The following NPHP3 variants were observed in gnomAD, a reference collection of about 807,000 sequenced individuals.
NPHP3 encodes the protein nephrocystin-3.
NPHP3 carries 123 observed loss-of-function variants against 171.9 expected under a neutral mutation model. That is an observed-to-expected ratio of 0.72 (90% CI 0.62 to 0.83). NPHP3 has a LOEUF of 0.83. Ranked by LOEUF, NPHP3 falls within the 40% of genes least tolerant of loss-of-function variation. The probability of loss-of-function intolerance (pLI) is 0.00; values close to 1 mark genes in which losing one functional copy is unlikely to be tolerated. For synonymous variants in NPHP3, 558 were observed against 579.2 expected (o/e 0.96, Z 0.52); for missense variants, 1,506 against 1,591.9 (o/e 0.95, Z 0.92).
chr3:132,706,046 G>A (rs1299913210), intron 7 of NPHP3, among the ~76,000 whole-genome samples: 1 of 152,090 alleles, frequency 6.6e-6, no homozygotes, highest in Non-Finnish European at 1.5e-5. Context: ...AAGGGATTTA[G>A]TGTGAAAAAT....
intron 13 of NPHP3, among the ~76,000 whole-genome samples, chr3:132,698,816 A>G (rs1939525856): frequency 6.6e-6 from 1 of 151,962 alleles, no homozygotes; most frequent in Non-Finnish European, 1.5e-5. Context: ...ACATTAATTA[A>G]TTTCTCAAGT....
chr3:132,689,528 G>T (rs892465163), intron 19 of NPHP3, among the ~76,000 whole-genome samples: 24 of 152,230 alleles, frequency 1.6e-4, no homozygotes, highest in African/African-American at 5.8e-4. Context: ...ACTGTAGGGG[G>T]ATTATGGCAC....
chr3:132,719,805 A>G lies in NPHP3; in HGVS notation c.419T>C (p.Ile140Thr). The change falls in exon 2 of 27, where the codon ATA (isoleucine) becomes ACA (threonine). Residue 140 changes from isoleucine to threonine, a missense_variant. Coordinates refer to ENST00000337331, the MANE Select transcript of NPHP3 (RefSeq NM_153240.5). ...TAAAGCACTTTCTTTTTCTCGAAGT[A>G]TCTTCTGATACGTTTTTTGAAGTGC... ...LQALQKTYQK[I>T]LREKESALEA... 1 of 1,596,502 alleles carries G rather than the reference A, an allele frequency of 6.3e-7. No individual in the cohort carries two copies. The highest frequency in any genetic ancestry group is 8.6e-7 in the Non-Finnish European group (1 of 1,169,382).
intron 15 of NPHP3, among the ~76,000 whole-genome samples, chr3:132,695,620 A>T (rs1443139104): frequency 1.3e-5 from 2 of 152,188 alleles, no homozygotes; most frequent in African/African-American, 4.8e-5. Flanking sequence ...TACAACTAAC[A>T]GTGGAAAAGG....
intron 21 of NPHP3, among the ~76,000 whole-genome samples, chr3:132,688,166 C>A (rs1285763517): frequency 6.6e-6 from 1 of 152,282 alleles, no homozygotes; most frequent in South Asian, 2.1e-4. Context: ...TCAACTCAAG[C>A]CACAGTCAAA....
rs766838224 is a variant in NPHP3, at chr3:132,722,212, G to T, written c.144C>A (p.Gly48=). 6.5e-7 allele frequency: 1 copy of T among 1,527,040 alleles called. No homozygotes were observed. The highest frequency in any genetic ancestry group is 8.7e-7 in the Non-Finnish European group (1 of 1,147,454). The allele number at this position is 1,527,040 out of a possible 1,614,324, so 94.6% of individuals were successfully genotyped here. A position where few individuals can be genotyped will look rare whatever the true frequency, so the allele number is the denominator to read the frequency against. ...ARLLRNSFRR[G]AGAAAGAGPG... ...GCCCGGCCCCTGCTGCCGCCCCCGC[G>T]CCTCGGCGGAACGAGTTGCGCAGCA... Residue 48 remains glycine, a synonymous_variant, in exon 1 of 27, where the codon GGC becomes GGA. Coordinates refer to ENST00000337331, the MANE Select transcript of NPHP3 (RefSeq NM_153240.5).
chr3:132,715,176 G>C lies in NPHP3; in HGVS notation c.866C>G (p.Pro289Arg). Residue 289 changes from proline (P) to arginine (R), a missense_variant, in exon 5 of 27, where the codon CCT (proline) becomes CGT (arginine). Pro to Arg is a moderately radical substitution (Grantham distance 103). Coordinates refer to ENST00000337331, the MANE Select transcript of NPHP3 (RefSeq NM_153240.5). ...ACTCCACAGAGAATGTGAAAACAGA[G>C]GAGTAACTTGTAATAAACTAGCTAC... Reference protein sequence around the residue: ...IAVASLLQVTPLFSHSLWSNT... With the variant: ...IAVASLLQVTRLFSHSLWSNT... 1 of 1,611,526 alleles carries C rather than the reference G, an allele frequency of 6.2e-7. No individual in the cohort carries two copies. Among genetic ancestry groups the C allele is most frequent in the South Asian group, 1.1e-5 (1 of 91,016 alleles).
At chr3:132,705,958 G>A (rs2107987823) in intron 7 of NPHP3, 144 bp from the exon 8 acceptor site, 2 of 558,898 alleles carry the variant, frequency 3.6e-6, no homozygotes, top group Non-Finnish European at 6.5e-6. Context: ...AACAACCTTA[G>A]GAGGGAGATA....
intron 6 of NPHP3, 59 bp from the exon 7 acceptor site, chr3:132,708,316 T>A: frequency 6.6e-7 from 1 of 1,525,480 alleles, no homozygotes; most frequent in Non-Finnish European, 9.0e-7. Context: ...AGCAGTTAGT[T>A]AATCAACCTA....
In NPHP3 at chr3:132,690,616, G is replaced by C. The variant is rs1278625997; in HGVS notation, c.2605C>G (p.Leu869Val). ...DRVTWRSADE[L>V]PWLFQQQGSK... Reference sequence around the variant, plus strand: ...CCCTGCTGCTGAAAAAGCCACGGGAGTTCATCTGCACTTCTCCAAGTCACT... The same window carrying C: ...CCCTGCTGCTGAAAAAGCCACGGGACTTCATCTGCACTTCTCCAAGTCACT... The change falls in exon 19 of 27, where the codon CTC becomes GTC. Residue 869 changes from leucine (L) to valine (V), a missense_variant. Physicochemically the swap from Leu to Val is conservative, Grantham distance 32. Coordinates refer to ENST00000337331, the MANE Select transcript of NPHP3 (RefSeq NM_153240.5). 1 of 1,613,680 alleles carries C rather than the reference G, an allele frequency of 6.2e-7. No homozygotes were observed. Among genetic ancestry groups the C allele is most frequent in the South Asian group, 1.1e-5 (1 of 91,078 alleles).
intron 6 of NPHP3, 27 bp downstream of exon 6, chr3:132,713,099 A>G (rs1232154496): frequency 7.8e-7 from 1 of 1,281,144 alleles, no homozygotes; most frequent in East Asian, 2.4e-5. Flanking sequence ...TACTGCTTAT[A>G]ATAAATTACA....
intron 23 of NPHP3, 198 bp downstream of exon 23, chr3:132,686,062 A>T: frequency 3.8e-6 from 2 of 526,344 alleles, no homozygotes; most frequent in Non-Finnish European, 6.8e-6. Flanking sequence ...AAAAAAAAAA[A>T]GAGTGTGAAA....
intron 23 of NPHP3, chr3:132,685,461 A>G (rs527431564): frequency 6.6e-6 from 1 of 152,326 alleles, no homozygotes; most frequent in African/African-American, 2.4e-5. Context: ...TATTTTTTAT[A>G]TAAGTTTCTG....
Position 132,684,573 on chromosome 3 carries a change from G to A in NPHP3, c.3551C>T (p.Ala1184Val). Residue 1184 changes from alanine (A) to valine (V), a missense_variant, in exon 24 of 27, where the codon GCC becomes GTC. Ala to Val is a moderately conservative substitution (Grantham distance 64). Coordinates refer to ENST00000337331, the MANE Select transcript of NPHP3 (RefSeq NM_153240.5). ...PSLAYTVKHL[A>V]ILYKKMGKLD... ...ACTTACCATTTTCTTATACAAGATGGCAAGATGCTTCACCGTATATGCCAA... is the reference window on the plus strand; with the variant it reads ...ACTTACCATTTTCTTATACAAGATGACAAGATGCTTCACCGTATATGCCAA... 6.2e-7 allele frequency: 1 copy of A among 1,613,952 alleles called. No individual in the cohort carries two copies.
rs777264064 is a variant in NPHP3 at position 132,682,087 on chromosome 3, A to G, written c.3816T>C (p.Tyr1272=). The change falls in exon 27 of 27, where the codon TAT becomes TAC. Residue 1272 remains tyrosine (Y), a synonymous_variant. Coordinates refer to ENST00000337331, the MANE Select transcript of NPHP3 (RefSeq NM_153240.5). ...CAGCTTTTTCAAAATCTCCTCCTTC[A>G]TAGCTTTGAGAGAGAAAACAAAAAC... ...ETLKNLAVLS[Y]EGGDFEKAAE... 2.0e-5 allele frequency: 32 copies of G among 1,613,534 alleles called. No homozygotes were observed. In the Middle Eastern group the frequency reaches 4.9e-4, roughly 25 times the overall value.
intron 3 of NPHP3, chr3:132,717,281 GACTGTT>G (rs1473689790): frequency 9.1e-6 from 2 of 220,846 alleles, no homozygotes; most frequent in African/African-American, 4.7e-5. Context: ...CTCAAAGGCA[GACTGTT>G]ACTAACACAC....
chr3:132,692,906 T>A, intron 16 of NPHP3, 88 bp from the exon 17 acceptor site: 1 of 1,050,534 alleles, frequency 9.5e-7, no homozygotes, highest in Non-Finnish European at 1.4e-6. Context: ...CTTTTAAGGC[T>A]ATTTCTTTTT....
rs201592109 is a variant in NPHP3 at position 132,687,234 on chromosome 3, A to C, written c.3126-8T>G. The C allele has an allele frequency of 1.9e-4, 224 of 1,182,330 alleles. No individual in the cohort carries two copies. The highest frequency in any genetic ancestry group is 2.6e-4 in the Non-Finnish European group (210 of 794,020). 73.2% of individuals were successfully genotyped at this position (1,182,330 alleles called of 1,614,324 possible). A position where few individuals can be genotyped will look rare whatever the true frequency, so the allele number is the denominator to read the frequency against. On this transcript the variant is annotated splice_region_variant and splice_polypyrimidine_tract_variant and intron_variant, in intron 21 of 26. Transcript: ENST00000337331. ...TGTTCAGCTTGTTCATATCTTAAAA[A>C]AAAATTACAGTAAGTCAAACAAAAG...
chr3:132,718,589 T>C (rs1940118733), intron 3 of NPHP3, among the ~76,000 whole-genome samples: 1 of 152,244 alleles, frequency 6.6e-6, no homozygotes, highest in African/African-American at 2.4e-5. Flanking sequence ...GATTACACTA[T>C]CCAGTCTTCC....
Sources: gnomAD v4.1 joint callset for allele counts (sites outside exome capture counted in the v4.1 genomes callset) on GRCh38, gnomAD v4.1.1 for gene constraint, MANE v1.5 for transcripts, NCBI Gene and HGNC (gene_info 2026-07-23, HGNC 2026-07-21) for gene names.